The following GNPTAB variants were observed in gnomAD, a reference collection of about 807,000 sequenced individuals.
GNPTAB encodes N-acetylglucosamine-1-phosphotransferase subunits alpha/beta.
GNPTAB carries 92 observed loss-of-function variants against 136.6 expected under a neutral mutation model. That is an observed-to-expected ratio of 0.67 (90% CI 0.57 to 0.80). GNPTAB has a LOEUF of 0.80. Ranked by LOEUF, GNPTAB falls within the 30% of genes least tolerant of loss-of-function variation. The pLI, the probability that GNPTAB is intolerant of heterozygous loss-of-function variation, is 0.00. For synonymous variants in GNPTAB, 512 were observed against 535.1 expected (o/e 0.96, Z 0.60); for missense variants, 1,343 against 1,501.8 (o/e 0.89, Z 1.75).
intron 2 of GNPTAB, chr12:101,795,926 G>T: frequency 3.6e-6 from 1 of 277,102 alleles, no homozygotes. Flanking sequence ...GAAAAAAATT[G>T]TTTCCATTCT....
chr12:101,774,368 A>AT (rs1953228884), intron 7 of GNPTAB, among the ~76,000 whole-genome samples: 1 of 152,254 alleles, frequency 6.6e-6, no homozygotes, highest in Non-Finnish European at 1.5e-5. Flanking sequence ...GGAATGTGTA[A>AT]TTAGTAGGTC....
chr12:101,752,239 C>T (rs564845665), intron 19 of GNPTAB, among the ~76,000 whole-genome samples: 1 of 152,180 alleles, frequency 6.6e-6, no homozygotes, highest in Admixed American at 6.5e-5. Flanking sequence ...GCCTGGCCAA[C>T]CTGGCAAAAC....
chr12:101,824,432 A>ATATATATATATATATTTTT (rs1188582277), intron 1 of GNPTAB, among the ~76,000 whole-genome samples: 1 of 50,886 alleles, frequency 2.0e-5, no homozygotes, highest in Non-Finnish European at 3.5e-5. Flanking sequence ...ATATATATAT[A>ATATATATATATATATTTTT]TTTTCTTTTT....
At chr12:101,788,115 G>A (rs977614190) in intron 4 of GNPTAB, among the ~76,000 whole-genome samples, 2 of 152,206 alleles carry the variant, frequency 1.3e-5, no homozygotes, top group South Asian at 2.1e-4. Flanking sequence ...TCTTGTTGTT[G>A]GGCTAAATCT....
chr12:101,762,561 G>T (rs1446125253), intron 13 of GNPTAB, among the ~76,000 whole-genome samples: 1 of 152,102 alleles, frequency 6.6e-6, no homozygotes, highest in Non-Finnish European at 1.5e-5. Flanking sequence ...ACAAAACATT[G>T]GAAATAACTA....
chr12:101,755,562 G>A (rs535305457), intron 18 of GNPTAB, among the ~76,000 whole-genome samples: 1 of 152,260 alleles, frequency 6.6e-6, no homozygotes, highest in Admixed American at 6.5e-5. Context: ...ATGTGTTAAT[G>A]GTCTGTGGCC....
intron 1 of GNPTAB, among the ~76,000 whole-genome samples, chr12:101,830,181 C>G (rs1871295074): frequency 6.6e-6 from 1 of 152,144 alleles, no homozygotes; most frequent in South Asian, 2.1e-4. Context: ...TCACTTGAGC[C>G]CAGGACTTCC....
At chr12:101,822,141 C>T (rs1002091524) in intron 1 of GNPTAB, among the ~76,000 whole-genome samples, 42 of 152,136 alleles carry the variant, frequency 2.8e-4, no homozygotes, top group Admixed American at 9.2e-4. Context: ...TGGCCGGGCG[C>T]GGTGGCTCAC....
intron 1 of GNPTAB, among the ~76,000 whole-genome samples, chr12:101,815,030 C>A (rs1007507184): frequency 2.6e-5 from 4 of 152,156 alleles, no homozygotes; most frequent in Non-Finnish European, 5.9e-5. Context: ...AGTCCCCAAA[C>A]TATACTTTGA....
intron 5 of GNPTAB, among the ~76,000 whole-genome samples, chr12:101,781,691 G>GA (rs1337105514): frequency 3.3e-5 from 5 of 151,018 alleles, no homozygotes; most frequent in East Asian, 1.9e-4. Flanking sequence ...CTCAAAAACT[G>GA]AAAAAAAACA....
At chr12:101,762,985 C>CTGAGG (rs1953024467) in intron 13 of GNPTAB, among the ~76,000 whole-genome samples, 3 of 150,882 alleles carry the variant, frequency 2.0e-5, no homozygotes, top group African/African-American at 7.3e-5. Flanking sequence ...CTTTGGGAGG[C>CTGAGG]CGAGGCGGGC....
intron 13 of GNPTAB, among the ~76,000 whole-genome samples, chr12:101,762,005 TAACAACAGTCAC>T (rs1433198620): frequency 6.7e-6 from 1 of 149,838 alleles, no homozygotes; most frequent in African/African-American, 2.5e-5. Flanking sequence ...GAGATCTACA[TAACAACAGTCAC>T]ATATGGAGGG....
chr12:101,826,862 A>ATAGACT (rs1323822172), intron 1 of GNPTAB, among the ~76,000 whole-genome samples: 2 of 151,926 alleles, frequency 1.3e-5, no homozygotes, highest in African/African-American at 4.8e-5. Flanking sequence ...CTAATTTACA[A>ATAGACT]TAGACTGATT....
At chr12:101,808,988 G>T (rs934236242) in intron 1 of GNPTAB, among the ~76,000 whole-genome samples, 1 of 152,048 alleles carries the variant, frequency 6.6e-6, no homozygotes, top group Non-Finnish European at 1.5e-5. Context: ...ACTGTTAAAA[G>T]AATAAAAAGA....
At chr12:101,757,105 G>C in intron 18 of GNPTAB, 107 bp downstream of exon 18, 1 of 686,642 alleles carries the variant, frequency 1.5e-6, no homozygotes, top group Non-Finnish European at 2.5e-6. Flanking sequence ...TGCCTGCACT[G>C]TTAGGCCTTT....
chr12:101,764,789 T>A lies in GNPTAB; in HGVS notation c.2128A>T (p.Ser710Cys). ...AGTTGCAAATCCAAGGTATTGAGAC[T>A]CAACTGGGCGTCTTTTGGAAGGAGT... ...ISLLPKDAQL[S>C]LNTLDLQLEH... The change falls in exon 13 of 21, where the codon AGT becomes TGT. Residue 710 changes from serine to cysteine, a missense_variant. By Grantham distance (112) the Ser-to-Cys change is moderately radical. Transcript: ENST00000299314. 1 of 1,614,212 alleles carries A rather than the reference T, an allele frequency of 6.2e-7. No individual in the cohort carries two copies. The highest frequency in any genetic ancestry group is 8.5e-7 in the Non-Finnish European group (1 of 1,180,014).
At chr12:101,778,083 A>G (rs1953285081) in intron 7 of GNPTAB, among the ~76,000 whole-genome samples, 1 of 151,810 alleles carries the variant, frequency 6.6e-6, no homozygotes, top group Non-Finnish European at 1.5e-5. Flanking sequence ...TTGCTACCCC[A>G]CTCCACCTCG....
intron 7 of GNPTAB, among the ~76,000 whole-genome samples, chr12:101,772,497 T>G (rs1330124115): frequency 6.6e-6 from 1 of 152,172 alleles, no homozygotes; most frequent in Non-Finnish European, 1.5e-5. Flanking sequence ...TCTCACAGAT[T>G]AGGTGCAGGT....
At chr12:101,796,605 T>C (rs912680667) in intron 2 of GNPTAB, 72 bp downstream of exon 2, 3 of 988,266 alleles carry the variant, frequency 3.0e-6, no homozygotes, top group African/African-American at 3.2e-5. Flanking sequence ...TAAACTGTCA[T>C]ATTTACAGGA....
Sources: gnomAD v4.1 joint callset for allele counts (sites outside exome capture counted in the v4.1 genomes callset) on GRCh38, gnomAD v4.1.1 for gene constraint, MANE v1.5 for transcripts, NCBI Gene and HGNC (gene_info 2026-07-23, HGNC 2026-07-21) for gene names.